The following PCDH11X variants were observed in gnomAD, a reference collection of about 807,000 sequenced individuals.
PCDH11X encodes the protein protocadherin-11 X-linked.
Under a neutral mutation model 53.3 loss-of-function variants are expected in PCDH11X, and 18 were observed. The observed-to-expected ratio is 0.34, with a 90% confidence interval of 0.23 to 0.50. The LOEUF (loss-of-function observed/expected upper bound fraction) is 0.50, where lower values mean the gene tolerates loss of function less well. PCDH11X is among the 20% of genes least tolerant of loss of function. The probability of loss-of-function intolerance (pLI) is 0.98; values close to 1 mark genes in which losing one functional copy is unlikely to be tolerated. For missense variants in PCDH11X, 570 were observed against 1,032.4 expected, an observed-to-expected ratio of 0.55 and a Z score of 6.14; for synonymous variants, 279 against 393.3, an observed-to-expected ratio of 0.71 and a Z score of 3.44.
intron 6 of PCDH11X, among the ~76,000 whole-genome samples, chrX:91,912,636 G>A (rs979120586): frequency 9.0e-6 from 1 of 110,985 alleles, no homozygotes; most frequent in Admixed American, 9.6e-5. Flanking sequence ...CATGATGATC[G>A]ATCTTTTTAA....
At chrX:92,309,037 T>C (rs1248211967) in intron 8 of PCDH11X, among the ~76,000 whole-genome samples, 1 of 111,191 alleles carries the variant, frequency 9.0e-6, no homozygotes, top group African/African-American at 3.3e-5. Context: ...GCATTGTTGG[T>C]TGGAATGTAA....
rs1366292347 is a variant in PCDH11X, at chrX:91,920,413, G to T, written c.3033+41140G>T. On this transcript the variant is annotated intron_variant, in intron 6 of 10. Coordinates refer to ENST00000682573, the MANE Select transcript of PCDH11X (RefSeq NM_032968.5). ...GCTAAATAATTCAAACATGCATTTT[G>T]CATTCAGTAAACAATTGAAAACACA... Among the ~76,000 whole-genome samples, 3 of 108,212 alleles carry T rather than the reference G, an allele frequency of 2.8e-5. No homozygotes were observed. The East Asian group carries it at 8.9e-4, about 32-fold the overall frequency. 94.0% of individuals were successfully genotyped at this position (108,212 alleles called of 115,157 possible). A position where few individuals can be genotyped will look rare whatever the true frequency, so the allele number is the denominator to read the frequency against.
At position 91,861,280 on chromosome X, in the gene PCDH11X, A is replaced by G. The variant is rs957542376; in HGVS notation, c.541-15501A>G. 2.1e-4 allele frequency among the ~76,000 whole-genome samples: 23 copies of G among 111,835 alleles called. No homozygotes were observed. In the East Asian group the frequency reaches 2.8e-3, roughly 14 times the overall value. On this transcript the variant is annotated intron_variant, in intron 5 of 10. Transcript: ENST00000682573. ...TTATTTGCATAGAGGTGTTTATAGT[A>G]TTCTCTGATGGTTGTTTGTGTTTCT... is the stretch of plus-strand genomic sequence containing the variant.
chrX:92,048,436 A>G (rs1426841130), intron 6 of PCDH11X, among the ~76,000 whole-genome samples: 12 of 111,241 alleles, frequency 1.1e-4, no homozygotes, highest in Non-Finnish European at 2.3e-4. Flanking sequence ...TCTAGTTTCA[A>G]TGAGTAAATG....
chrX:91,888,503 A>T (rs1940336215), intron 6 of PCDH11X, among the ~76,000 whole-genome samples: 1 of 109,384 alleles, frequency 9.1e-6, no homozygotes, highest in African/African-American at 3.3e-5. Context: ...AAAATGCAAA[A>T]ACTTAGCCGG....
intron 5 of PCDH11X, among the ~76,000 whole-genome samples, chrX:91,855,189 G>A (rs1938254420): frequency 9.0e-6 from 1 of 111,707 alleles, no homozygotes; most frequent in South Asian, 3.7e-4. Flanking sequence ...GTGAGAGATA[G>A]GGGTTTAATT....
At chrX:92,485,172 T>C (rs2073616066) in intron 10 of PCDH11X, among the ~76,000 whole-genome samples, 1 of 110,718 alleles carries the variant, frequency 9.0e-6, no homozygotes, top group Non-Finnish European at 1.9e-5. Context: ...CAATCTTTCA[T>C]TGTTTATATG....
At chrX:92,230,617 ATATTCC>A (rs1301732822) in intron 7 of PCDH11X, among the ~76,000 whole-genome samples, 2 of 97,693 alleles carry the variant, frequency 2.0e-5, no homozygotes, top group Non-Finnish European at 4.0e-5. Flanking sequence ...ATATACATAT[ATATTCC>A]TGCTGAAAGG....
intron 6 of PCDH11X, among the ~76,000 whole-genome samples, chrX:92,194,155 A>C (rs1482183688): frequency 3.6e-5 from 4 of 111,857 alleles, no homozygotes; most frequent in Non-Finnish European, 7.5e-5. Flanking sequence ...GTTCTTAAGA[A>C]AATAATTGGG....
rs1468015236 is a variant in PCDH11X, at chrX:92,574,440, G to A, written c.3368-43824G>A. Among the ~76,000 whole-genome samples, 8 of 100,001 alleles carry A rather than the reference G, an allele frequency of 8.0e-5. No individual in the cohort carries two copies. The East Asian group carries it at 8.5e-4, about 11-fold the overall frequency. 86.8% of individuals were successfully genotyped at this position (100,001 alleles called of 115,157 possible). A position where few individuals can be genotyped will look rare whatever the true frequency, so the allele number is the denominator to read the frequency against. Reference sequence around the variant, plus strand: ...ATACCCAAGTGCTAAGTTAATTACCGTAGTTATTAGAGTTTCATGGAGTAG... The same window carrying A: ...ATACCCAAGTGCTAAGTTAATTACCATAGTTATTAGAGTTTCATGGAGTAG... On this transcript the variant is annotated intron_variant, in intron 10 of 10. Transcript: ENST00000682573.
At chrX:91,962,183 A>T (rs922307097) in intron 6 of PCDH11X, among the ~76,000 whole-genome samples, 1 of 108,371 alleles carries the variant, frequency 9.2e-6, no homozygotes, top group African/African-American at 3.4e-5. Context: ...ATTAAACCAA[A>T]AGTCCATGTC....
intron 10 of PCDH11X, among the ~76,000 whole-genome samples, chrX:92,550,975 T>A (rs953249804): frequency 1.8e-5 from 2 of 111,285 alleles, no homozygotes; most frequent in African/African-American, 6.5e-5. Context: ...CATTTCTTTC[T>A]CTATTCATCT....
At chrX:92,342,557 G>A (rs1282783506) in intron 8 of PCDH11X, among the ~76,000 whole-genome samples, 28 of 111,950 alleles carry the variant, frequency 2.5e-4, no homozygotes, top group Non-Finnish European at 3.8e-5. Flanking sequence ...GTGCAGCAAT[G>A]TGAATGCATT....
At chrX:91,939,712 GA>G (rs1045437918) in intron 6 of PCDH11X, among the ~76,000 whole-genome samples, 38 of 108,342 alleles carry the variant, frequency 3.5e-4, no homozygotes, top group Non-Finnish European at 5.2e-4. Context: ...AGTGCTGAAA[GA>G]AAAAAAAAGT....
At chrX:92,318,142 GA>G (rs1330528656) in intron 8 of PCDH11X, among the ~76,000 whole-genome samples, 6 of 111,069 alleles carry the variant, frequency 5.4e-5, no homozygotes, top group African/African-American at 2.0e-4. Context: ...AATTACCATG[GA>G]AAAAATACCT....
intron 10 of PCDH11X, among the ~76,000 whole-genome samples, chrX:92,580,654 G>T (rs1221950281): frequency 9.0e-6 from 1 of 111,404 alleles, no homozygotes; most frequent in African/African-American, 3.3e-5. Context: ...TGGGATCTCA[G>T]TCATTTAGGC....
chrX:92,528,844 A>G (rs2074506447), intron 10 of PCDH11X, among the ~76,000 whole-genome samples: 1 of 111,257 alleles, frequency 9.0e-6, no homozygotes, highest in Non-Finnish European at 1.9e-5. Context: ...AAATGAGAAT[A>G]TCAGCATTAA....
intron 6 of PCDH11X, among the ~76,000 whole-genome samples, chrX:91,909,272 T>A (rs771191995): frequency 6.3e-5 from 7 of 111,061 alleles, no homozygotes; most frequent in African/African-American, 2.3e-4. Context: ...AGATAAAAGA[T>A]AAAAAGGTAA....
intron 7 of PCDH11X, among the ~76,000 whole-genome samples, chrX:92,239,208 T>C (rs1204704614): frequency 8.9e-6 from 1 of 111,737 alleles, no homozygotes; most frequent in Non-Finnish European, 1.9e-5. Context: ...TGTTGTGATA[T>C]TGTGTTTAAT....
Sources: allele counts gnomAD v4.1 joint callset (sites outside exome capture counted in the v4.1 genomes callset), GRCh38; gene constraint gnomAD v4.1.1; transcripts MANE v1.5; gene names NCBI Gene and HGNC (gene_info 2026-07-23, HGNC 2026-07-21).